IQCM: variants seen among roughly 807,000 people sequenced by gnomAD.
IQCM encodes IQ motif containing M, also known as IQ domain-containing protein M.
IQCM carries 45 observed loss-of-function variants against 57.6 expected under a neutral mutation model. That is an observed-to-expected ratio of 0.78 (90% CI 0.62 to 1.00). The LOEUF (loss-of-function observed/expected upper bound fraction) is 1.00. Among genes scored for constraint, IQCM ranks in the 50% least tolerant of loss-of-function variants. The pLI is 0.00. For missense variants in IQCM, 468 were observed against 511.6 expected, an observed-to-expected ratio of 0.91 and a Z score of 0.82; for synonymous variants, 148 against 158.9, an observed-to-expected ratio of 0.93 and a Z score of 0.51.
chr4:149,768,940 T>G (rs565041644), intron 2 of IQCM, among the ~76,000 whole-genome samples: 22 of 152,194 alleles, frequency 1.4e-4, no homozygotes, highest in South Asian at 8.3e-4. Flanking sequence ...AATATACTTA[T>G]GGACATTTAA....
chr4:149,545,441 A>G (rs1022065805), intron 12 of IQCM, among the ~76,000 whole-genome samples: 1 of 152,154 alleles, frequency 6.6e-6, no homozygotes, highest in African/African-American at 2.4e-5. Flanking sequence ...GCAAGGGGCC[A>G]ACAGGTAGAT....
rs985563220 is a variant in IQCM, at chr4:149,588,010, A to G, written c.682-13T>C. On this transcript the variant is annotated splice_polypyrimidine_tract_variant and intron_variant, in intron 8 of 13. Transcript: ENST00000636793. Reference sequence around the variant, plus strand: ...TTTTAAAGGTTTTCTATAATAAGGAAAAGAAGAGTTGACATAAGTAGAAAA... The same window carrying G: ...TTTTAAAGGTTTTCTATAATAAGGAGAAGAAGAGTTGACATAAGTAGAAAA... 3 of 1,179,606 alleles carry G rather than the reference A, an allele frequency of 2.5e-6. No homozygotes were observed. Among genetic ancestry groups the G allele is most frequent in the Non-Finnish European group, 3.2e-6 (3 of 941,042 alleles). 73.1% of individuals were successfully genotyped at this position (1,179,606 alleles called of 1,614,324 possible). A position where few individuals can be genotyped will look rare whatever the true frequency, so the allele number is the denominator to read the frequency against.
At chr4:149,768,070 T>C (rs1489651562) in intron 2 of IQCM, among the ~76,000 whole-genome samples, 1 of 152,102 alleles carries the variant, frequency 6.6e-6, no homozygotes, top group African/African-American at 2.4e-5. Context: ...CTCACAGCCC[T>C]GATGTAACTA....
chr4:149,500,003 G>A (rs1743075071), intron 12 of IQCM, among the ~76,000 whole-genome samples: 1 of 152,184 alleles, frequency 6.6e-6, no homozygotes, highest in African/African-American at 2.4e-5. Flanking sequence ...TTCCCAGCTA[G>A]CCCAAGGCAA....
chr4:149,481,701 G>GTTTTTTTGTTTTTTTTTTTGTTT (rs1740824289), intron 12 of IQCM, among the ~76,000 whole-genome samples: 1 of 51,550 alleles, frequency 1.9e-5, no homozygotes, highest in Admixed American at 2.5e-4. Flanking sequence ...TTCCAGTTTT[G>GTTTTTTTGTTTTTTTTTTTGTTT]TTTTTTTTTT....
chr4:149,709,830 G>T (rs1197088276), intron 5 of IQCM, among the ~76,000 whole-genome samples: 1 of 152,102 alleles, frequency 6.6e-6, no homozygotes, highest in Non-Finnish European at 1.5e-5. Flanking sequence ...CACAGAAGCT[G>T]CTCCTGCAAG....
intron 12 of IQCM, among the ~76,000 whole-genome samples, chr4:149,459,753 A>G (rs545664496): frequency 7.2e-5 from 11 of 152,318 alleles, no homozygotes; most frequent in African/African-American, 1.9e-4. Flanking sequence ...ATGTCGTAGT[A>G]TATTCCAGAA....
chr4:149,641,720 C>T (rs543561591), intron 7 of IQCM, among the ~76,000 whole-genome samples: 6 of 152,048 alleles, frequency 3.9e-5, no homozygotes, highest in Non-Finnish European at 5.9e-5. Context: ...ATCCTTATTT[C>T]CATGGTTTGG....
chr4:149,357,307 C>T (rs1729074044), intron 13 of IQCM, among the ~76,000 whole-genome samples: 1 of 152,164 alleles, frequency 6.6e-6, no homozygotes. Context: ...TGAGAGAGGG[C>T]ATCCCTGTCT....
chr4:149,724,084 A>G (rs1339448603), intron 5 of IQCM, among the ~76,000 whole-genome samples: 1 of 151,944 alleles, frequency 6.6e-6, no homozygotes, highest in East Asian at 1.9e-4. Flanking sequence ...GTGTGCATAG[A>G]GGTGTTCATA....
chr4:149,788,860 G>A (rs550912014), intron 2 of IQCM, among the ~76,000 whole-genome samples: 2 of 152,282 alleles, frequency 1.3e-5, no homozygotes, highest in African/African-American at 2.4e-5. Flanking sequence ...AGATGGAACT[G>A]GAGGTCATTA....
At chr4:149,664,326 A>T (rs186466266) in intron 7 of IQCM, among the ~76,000 whole-genome samples, 8 of 151,900 alleles carry the variant, frequency 5.3e-5, no homozygotes, top group Admixed American at 5.2e-4. Context: ...GTTACTATAG[A>T]CTTATTTGTT....
chr4:149,384,024 G>A (rs1361262628), intron 13 of IQCM, among the ~76,000 whole-genome samples: 2 of 152,164 alleles, frequency 1.3e-5, no homozygotes, highest in Non-Finnish European at 2.9e-5. Context: ...TTCTGTGAAT[G>A]TGAAAATCAT....
In IQCM at chr4:149,742,348, T is replaced by C. The variant is rs73857742; in HGVS notation, c.37+307A>G. 9.0e-3 allele frequency among the ~76,000 whole-genome samples: 1,366 copies of C among 152,254 alleles called. 10 individuals are homozygous for C. The highest frequency in any genetic ancestry group is 0.03 in the African/African-American group (1,265 of 41,552). ...CTTAAAGGTTTTCCAATAACTGAAT[T>C]ATCAGTTTTTAAGTTTAAATTAAAA... On this transcript the variant is annotated intron_variant, in intron 3 of 13. Coordinates refer to ENST00000636793, the MANE Select transcript of IQCM (RefSeq NM_001363507.2).
intron 5 of IQCM, among the ~76,000 whole-genome samples, chr4:149,726,705 A>G (rs927404779): frequency 3.3e-5 from 5 of 152,214 alleles, no homozygotes; most frequent in Non-Finnish European, 7.3e-5. Context: ...AAGCATCACT[A>G]TAAGTAAAAT....
chr4:149,777,706 T>G (rs1771223180), intron 2 of IQCM, among the ~76,000 whole-genome samples: 1 of 152,210 alleles, frequency 6.6e-6, no homozygotes, highest in Non-Finnish European at 1.5e-5. Context: ...ATTTTCCCTT[T>G]TCTTTCCCCG....
intron 5 of IQCM, among the ~76,000 whole-genome samples, chr4:149,706,975 TAAAC>T (rs1764208465): frequency 4.6e-5 from 7 of 151,970 alleles, no homozygotes; most frequent in Admixed American, 4.6e-4. Context: ...CCTTTAGAAA[TAAAC>T]AGATTTTTCC....
chr4:149,726,835 A>G (rs1765988860), intron 5 of IQCM, among the ~76,000 whole-genome samples: 1 of 152,020 alleles, frequency 6.6e-6, no homozygotes, highest in Non-Finnish European at 1.5e-5. Flanking sequence ...TCTCCCAGCT[A>G]GAGTGCAGTG....
At chr4:149,392,758 A>G (rs1731956373) in intron 13 of IQCM, among the ~76,000 whole-genome samples, 2 of 152,044 alleles carry the variant, frequency 1.3e-5, no homozygotes, top group South Asian at 4.1e-4. Flanking sequence ...CTCCAGGAAA[A>G]AGGCCACCAT....
Sources: gnomAD v4.1 joint callset for allele counts (sites outside exome capture counted in the v4.1 genomes callset) on GRCh38, gnomAD v4.1.1 for gene constraint, MANE v1.5 for transcripts, NCBI Gene and HGNC (gene_info 2026-07-23, HGNC 2026-07-21) for gene names.